The following ZNRF1 variants were observed in gnomAD, a reference collection of about 807,000 sequenced individuals.
The protein encoded by ZNRF1 is E3 ubiquitin-protein ligase ZNRF1.
Under a neutral mutation model 18.4 loss-of-function variants are expected in ZNRF1, and 3 were observed. That is an observed-to-expected ratio of 0.16 (90% CI 0.07 to 0.42). ZNRF1 has a LOEUF of 0.42. Ranked by LOEUF, ZNRF1 falls within the 10% of genes least tolerant of loss-of-function variation. ZNRF1 has a pLI of 0.99. For synonymous variants in ZNRF1, 157 were observed against 144.2 expected (o/e 1.09, Z -0.64); for missense variants, 310 against 329.8 (o/e 0.94, Z 0.47).
At chr16:75,012,791 C>T (rs1052444071) in intron 1 of ZNRF1, among the ~76,000 whole-genome samples, 3 of 152,084 alleles carry the variant, frequency 2.0e-5, no homozygotes, top group Admixed American at 6.6e-5. Flanking sequence ...AAGGGCTGAA[C>T]GGTTATTAGA....
At chr16:75,095,948 C>G (rs2036193077) in intron 2 of ZNRF1, among the ~76,000 whole-genome samples, 1 of 152,136 alleles carries the variant, frequency 6.6e-6, no homozygotes, top group Admixed American at 6.5e-5. Flanking sequence ...GATTGGCCAG[C>G]CAGCCTGAGG....
intron 3 of ZNRF1, 34 bp downstream of exon 3, chr16:75,104,923 C>T (rs534025633): frequency 1.3e-6 from 2 of 1,529,190 alleles, no homozygotes; most frequent in East Asian, 2.4e-5. Flanking sequence ...TTAGTGCACC[C>T]CACCTCCCAG....
intron 2 of ZNRF1, among the ~76,000 whole-genome samples, chr16:75,102,316 G>GTGTGTGAC (rs893215744): frequency 2.6e-5 from 4 of 152,194 alleles, no homozygotes; most frequent in African/African-American, 9.6e-5. Context: ...CACTCATGAG[G>GTGTGTGAC]TGTGTGACTT....
At chr16:75,107,465 A>T in intron 4 of ZNRF1, 1 of 312,514 alleles carries the variant, frequency 3.2e-6, no homozygotes, top group South Asian at 2.4e-5. Flanking sequence ...ACAGCTGATG[A>T]TGTCAGACAA....
rs755364029 is a variant in ZNRF1, at chr16:75,104,899, G to A, written c.626+10G>A. 12 of 1,585,768 alleles carry A rather than the reference G, an allele frequency of 7.6e-6. 1 individual carries two copies. In the South Asian group the frequency reaches 1.4e-4, roughly 18 times the overall value. On this transcript the variant is annotated intron_variant, in intron 3 of 4. Coordinates refer to ENST00000335325, the MANE Select transcript of ZNRF1 (RefSeq NM_032268.5). ...GCATCTATCACAAAAGGTAGGAGGGGTTGGCAAGGTAGCTTAGTGCACCCC... is the reference window on the plus strand; with the variant it reads ...GCATCTATCACAAAAGGTAGGAGGGATTGGCAAGGTAGCTTAGTGCACCCC...
chr16:75,068,592 G>T (rs948443873), intron 1 of ZNRF1, among the ~76,000 whole-genome samples: 2 of 152,112 alleles, frequency 1.3e-5, no homozygotes, highest in African/African-American at 4.8e-5. Flanking sequence ...CAGACCCAGT[G>T]ATCCTGCTAT....
intron 1 of ZNRF1, among the ~76,000 whole-genome samples, chr16:75,077,857 C>G (rs769929487): frequency 5.3e-5 from 8 of 152,222 alleles, no homozygotes; most frequent in African/African-American, 9.6e-5. Flanking sequence ...AAATCTCTGT[C>G]TGTCTGCTTC....
intron 1 of ZNRF1, among the ~76,000 whole-genome samples, chr16:75,085,020 T>C (rs534347543): frequency 6.6e-6 from 1 of 152,326 alleles, no homozygotes; most frequent in South Asian, 2.1e-4. Flanking sequence ...TCCATATTTG[T>C]TTACAGGTTT....
chr16:75,071,773 T>A (rs575023020), intron 1 of ZNRF1, among the ~76,000 whole-genome samples: 2 of 152,104 alleles, frequency 1.3e-5, no homozygotes, highest in Middle Eastern at 6.8e-3. Context: ...CTGATAGGTG[T>A]CTACCTTTCT....
At chr16:75,025,212 C>T (rs1047530451) in intron 1 of ZNRF1, among the ~76,000 whole-genome samples, 7 of 152,006 alleles carry the variant, frequency 4.6e-5, no homozygotes, top group African/African-American at 1.2e-4. Context: ...GGACTACAGG[C>T]GCCCGCCACC....
chr16:75,013,660 A>G (rs1482656416), intron 1 of ZNRF1, among the ~76,000 whole-genome samples: 1 of 152,038 alleles, frequency 6.6e-6, no homozygotes, highest in East Asian at 1.9e-4. Context: ...ATTCAGTTTT[A>G]GTAATGAACT....
chr16:75,057,490 A>G (rs1339662526), intron 1 of ZNRF1, among the ~76,000 whole-genome samples: 1 of 152,078 alleles, frequency 6.6e-6, no homozygotes, highest in Non-Finnish European at 1.5e-5. Context: ...GACCAGATTC[A>G]TTCTGGTCTT....
intron 1 of ZNRF1, among the ~76,000 whole-genome samples, chr16:75,082,448 G>A (rs1265680501): frequency 6.6e-6 from 1 of 152,144 alleles, no homozygotes; most frequent in Non-Finnish European, 1.5e-5. Flanking sequence ...CAGCAGGGTG[G>A]GTTTGATGTC....
intron 2 of ZNRF1, among the ~76,000 whole-genome samples, chr16:75,100,380 C>G (rs2036242176): frequency 6.6e-6 from 1 of 152,156 alleles, no homozygotes. Flanking sequence ...CGCCCTCGCG[C>G]CCCCTTCCCC....
chr16:75,042,615 A>G (rs1403159358), intron 1 of ZNRF1, among the ~76,000 whole-genome samples: 1 of 151,940 alleles, frequency 6.6e-6, no homozygotes, highest in Admixed American at 6.6e-5. Flanking sequence ...GTCTGTTGCT[A>G]TTGTGGTTAC....
At chr16:75,100,968 C>G (rs2036248181) in intron 2 of ZNRF1, among the ~76,000 whole-genome samples, 1 of 152,238 alleles carries the variant, frequency 6.6e-6, no homozygotes, top group African/African-American at 2.4e-5. Context: ...GAGTCTCGTT[C>G]TGTCACCCAG....
intron 1 of ZNRF1, among the ~76,000 whole-genome samples, chr16:75,065,116 C>G (rs1168507951): frequency 6.6e-6 from 1 of 152,244 alleles, no homozygotes; most frequent in Non-Finnish European, 1.5e-5. Context: ...AGAAATTATA[C>G]CAATCCCATT....
chr16:75,083,955 G>A (rs924055533), intron 1 of ZNRF1, among the ~76,000 whole-genome samples: 1 of 152,218 alleles, frequency 6.6e-6, no homozygotes, highest in Non-Finnish European at 1.5e-5. Context: ...CCAGAAGCTT[G>A]CTGGCTCAGC....
intron 1 of ZNRF1, among the ~76,000 whole-genome samples, chr16:75,062,116 G>A (rs543096657): frequency 2.0e-5 from 3 of 152,178 alleles, no homozygotes; most frequent in Non-Finnish European, 4.4e-5. Context: ...TAAGCAAATG[G>A]TTGTTCAGTC....
Sources: allele counts gnomAD v4.1 joint callset (sites outside exome capture counted in the v4.1 genomes callset), GRCh38; gene constraint gnomAD v4.1.1; transcripts MANE v1.5; gene names NCBI Gene and HGNC (gene_info 2026-07-23, HGNC 2026-07-21).